The following PABPC4L variants were observed in gnomAD, a reference collection of about 807,000 sequenced individuals.
PABPC4L encodes poly(A) binding protein cytoplasmic 4 like.
For synonymous variants in PABPC4L, 169 were observed against 164.1 expected, an observed-to-expected ratio of 1.03 and a Z score of -0.23; for missense variants, 452 against 451.4, an observed-to-expected ratio of 1.00 and a Z score of -0.01.
At chr4:133,958,048 C>T in the PABPC4L span, among the ~76,000 whole-genome samples, 1 of 152,166 alleles carries the variant, frequency 6.6e-6, no homozygotes, top group Non-Finnish European at 1.5e-5. Flanking sequence ...ATATTTGGCT[C>T]CTCATTACTT....
chr4:134,178,914 T>A, the PABPC4L span, among the ~76,000 whole-genome samples: 14 of 152,200 alleles, frequency 9.2e-5, no homozygotes, highest in African/African-American at 3.1e-4. Flanking sequence ...ACACCAAATT[T>A]ATGACTCACT....
At chr4:134,148,573 C>G in the PABPC4L span, among the ~76,000 whole-genome samples, 105,083 of 151,390 alleles carry the variant, frequency 0.69, 37,788 homozygotes, top group East Asian at 1. Flanking sequence ...ATGCCTGAAG[C>G]TTCCAAACCT....
At chr4:134,004,707 C>T in the PABPC4L span, among the ~76,000 whole-genome samples, 1 of 151,778 alleles carries the variant, frequency 6.6e-6, no homozygotes, top group African/African-American at 2.4e-5. Flanking sequence ...TATGGAACAA[C>T]CTAAATGCTC....
chr4:134,140,874 G>A, the PABPC4L span, among the ~76,000 whole-genome samples: 1 of 151,282 alleles, frequency 6.6e-6, no homozygotes, highest in East Asian at 1.9e-4. Flanking sequence ...AAGTCCTTAG[G>A]GAAAAAAAAT....
the PABPC4L span, among the ~76,000 whole-genome samples, chr4:134,170,071 T>C: frequency 6.6e-6 from 1 of 152,150 alleles, no homozygotes; most frequent in African/African-American, 2.4e-5. Flanking sequence ...TGTCTGTTTT[T>C]CCCAAGTAGA....
chr4:133,983,224 T>C, the PABPC4L span, among the ~76,000 whole-genome samples: 3 of 152,026 alleles, frequency 2.0e-5, no homozygotes, highest in African/African-American at 7.2e-5. Flanking sequence ...GGTGTACTAA[T>C]TGGAAAAGTT....
At chr4:134,158,545 T>C in the PABPC4L span, among the ~76,000 whole-genome samples, 20 of 152,106 alleles carry the variant, frequency 1.3e-4, no homozygotes, top group Non-Finnish European at 2.9e-5. Context: ...AGCGTATTAA[T>C]AGTTTTCTTT....
chr4:134,151,696 A>G, the PABPC4L span, among the ~76,000 whole-genome samples: 2 of 152,014 alleles, frequency 1.3e-5, no homozygotes, highest in African/African-American at 4.8e-5. Context: ...GAATAGAATT[A>G]ACTATTAGTG....
the PABPC4L span, among the ~76,000 whole-genome samples, chr4:133,970,714 G>A: frequency 6.6e-6 from 1 of 152,060 alleles, no homozygotes; most frequent in Non-Finnish European, 1.5e-5. Flanking sequence ...AGGAGGTAGG[G>A]ATTTGGGTAG....
the PABPC4L span, among the ~76,000 whole-genome samples, chr4:133,974,391 T>A: frequency 6.6e-6 from 1 of 152,172 alleles, no homozygotes; most frequent in Admixed American, 6.5e-5. Flanking sequence ...GACTACAAAC[T>A]AAGAATTTTA....
chr4:134,170,452 G>C, the PABPC4L span, among the ~76,000 whole-genome samples: 1 of 152,150 alleles, frequency 6.6e-6, no homozygotes, highest in Middle Eastern at 3.4e-3. Flanking sequence ...AATTTATAAA[G>C]AAAATAGGTT....
chr4:134,132,295 A>G, the PABPC4L span, among the ~76,000 whole-genome samples: 3 of 152,090 alleles, frequency 2.0e-5, no homozygotes, highest in East Asian at 5.8e-4. Context: ...GTGGGAGAAA[A>G]TCTTTGCGGT....
chr4:133,978,248 A>G, the PABPC4L span, among the ~76,000 whole-genome samples: 6 of 152,160 alleles, frequency 3.9e-5, 1 homozygote, highest in Non-Finnish European at 8.8e-5. Context: ...CCCCATCTGG[A>G]CCAGCAGAGG....
At chr4:134,089,542 TTTA>T in the PABPC4L span, among the ~76,000 whole-genome samples, 3 of 152,120 alleles carry the variant, frequency 2.0e-5, no homozygotes, top group African/African-American at 7.2e-5. Flanking sequence ...ATTGTTCTAT[TTTA>T]TTATTATTGT....
At chr4:134,098,363 T>G in the PABPC4L span, among the ~76,000 whole-genome samples, 1 of 151,792 alleles carries the variant, frequency 6.6e-6, no homozygotes, top group Non-Finnish European at 1.5e-5. Context: ...TTGCTAGACA[T>G]CATACTCTAT....
At chr4:133,994,085 T>C in the PABPC4L span, among the ~76,000 whole-genome samples, 4 of 152,150 alleles carry the variant, frequency 2.6e-5, no homozygotes, top group Non-Finnish European at 5.9e-5. Context: ...GAGGAATCAC[T>C]GTGGGGAATT....
chr4:134,154,567 C>T, the PABPC4L span, among the ~76,000 whole-genome samples: 1 of 152,110 alleles, frequency 6.6e-6, no homozygotes, highest in South Asian at 2.1e-4. Flanking sequence ...CCTCTATAAA[C>T]ATTGCCTTTG....
the PABPC4L span, among the ~76,000 whole-genome samples, chr4:134,063,768 A>G: frequency 6.6e-6 from 1 of 152,216 alleles, no homozygotes; most frequent in African/African-American, 2.4e-5. Context: ...TAAATACTAT[A>G]ACCAGACCAA....
chr4:134,133,291 T>C, the PABPC4L span, among the ~76,000 whole-genome samples: 1 of 140,544 alleles, frequency 7.1e-6, no homozygotes, highest in East Asian at 2.1e-4. Context: ...ATATAATTGA[T>C]ATATTAATTA....
Sources: gnomAD v4.1 joint callset for allele counts (sites outside exome capture counted in the v4.1 genomes callset) on GRCh38, gnomAD v4.1.1 for gene constraint, MANE v1.5 for transcripts, NCBI Gene and HGNC (gene_info 2026-07-23, HGNC 2026-07-21) for gene names.